YTHDC2: variants seen among roughly 807,000 people sequenced by gnomAD.
YTHDC2 encodes YTH N6-methyladenosine RNA binding protein C2, also known as 3'-5' RNA helicase YTHDC2.
In YTHDC2, 45 loss-of-function variants were observed where a neutral mutation model predicts 174.9. The ratio of observed to expected loss-of-function variants is 0.26; its 90% CI spans 0.20 to 0.33. The LOEUF (loss-of-function observed/expected upper bound fraction) is 0.33, where lower values mean the gene tolerates loss of function less well. Among genes scored for constraint, YTHDC2 ranks in the 10% least tolerant of loss-of-function variants. The probability of loss-of-function intolerance (pLI) is 1.00; values close to 1 mark genes in which losing one functional copy is unlikely to be tolerated. For synonymous variants in YTHDC2, 657 were observed against 574.5 expected (o/e 1.14, Z -2.05); for missense variants, 1,650 against 1,723.7 (o/e 0.96, Z 0.76).
At chr5:113,584,938 C>A (rs1046954622) in intron 26 of YTHDC2, among the ~76,000 whole-genome samples, 1 of 151,682 alleles carries the variant, frequency 6.6e-6, no homozygotes, top group African/African-American at 2.4e-5. Flanking sequence ...CCATGCCCAG[C>A]TGATTAAAGA....
rs140855716 is a variant in YTHDC2 at position 113,553,593 on chromosome 5, C to G, written c.1871C>G (p.Ala624Gly). ...TAAAAAGTCATTCTTCTCCAAGGTG[C>G]AGTACTAATTTTTCTGCCTGGATAT... ...YNICHSCDAG[A>G]VLIFLPGYDE... is the part of the protein sequence containing the mutation. Residue 624 changes from alanine (A) to glycine (G), a missense_variant, in exon 14 of 30, where the codon GCA becomes GGA. Transcript: ENST00000161863. 148 of 1,613,032 alleles carry G rather than the reference C, an allele frequency of 9.2e-5. No homozygotes were observed. The African/African-American group carries it at 1.5e-3, about 17-fold the overall frequency.
chr5:113,535,401 G>C (rs1383907547), intron 6 of YTHDC2, among the ~76,000 whole-genome samples: 1 of 152,110 alleles, frequency 6.6e-6, no homozygotes, highest in Non-Finnish European at 1.5e-5. Flanking sequence ...TGGCATGGGG[G>C]AAGGCCCTGG....
chr5:113,571,729 C>T (rs970972423), intron 23 of YTHDC2, among the ~76,000 whole-genome samples: 35 of 152,120 alleles, frequency 2.3e-4, no homozygotes, highest in African/African-American at 8.5e-4. Context: ...AGGAATCTAC[C>T]TCTTTCTTCT....
chr5:113,529,948 T>G (rs1021788696), intron 4 of YTHDC2, among the ~76,000 whole-genome samples: 1 of 152,018 alleles, frequency 6.6e-6, no homozygotes, highest in Non-Finnish European at 1.5e-5. Flanking sequence ...TATGTAGAGG[T>G]GGGGTATCAC....
chr5:113,529,046 T>A (rs1774477381), intron 4 of YTHDC2, among the ~76,000 whole-genome samples: 1 of 152,178 alleles, frequency 6.6e-6, no homozygotes, highest in Non-Finnish European at 1.5e-5. Context: ...CTTAACAGAT[T>A]TGGATATTTT....
intron 23 of YTHDC2, among the ~76,000 whole-genome samples, chr5:113,575,068 C>T (rs1341941224): frequency 6.6e-6 from 1 of 152,104 alleles, no homozygotes; most frequent in Non-Finnish European, 1.5e-5. Flanking sequence ...GTATGTATGC[C>T]TAGTATGTCC....
intron 23 of YTHDC2, among the ~76,000 whole-genome samples, chr5:113,574,555 G>T (rs1403707790): frequency 3.3e-5 from 5 of 152,132 alleles, no homozygotes; most frequent in Non-Finnish European, 7.4e-5. Context: ...GGCTGGAGTG[G>T]CTGAGTCAAC....
rs534273104 is a variant in YTHDC2, at chr5:113,557,916, G to A, written c.2216+1782G>A. The stretch of plus-strand genomic sequence containing the variant: ...AAAGTCTTCCCTGTGCACATGTTAC[G>A]GATAGTGATAAATAAACCATAGCCT... On this transcript the variant is annotated intron_variant, in intron 17 of 29. Coordinates refer to ENST00000161863, the MANE Select transcript of YTHDC2 (RefSeq NM_022828.5). 7.9e-5 allele frequency among the ~76,000 whole-genome samples: 12 copies of A among 152,278 alleles called. 1 individual carries two copies. In the South Asian group the frequency reaches 1.5e-3, roughly 18 times the overall value.
intron 10 of YTHDC2, among the ~76,000 whole-genome samples, chr5:113,545,630 C>T (rs567800567): frequency 3.3e-5 from 5 of 151,936 alleles, no homozygotes; most frequent in African/African-American, 1.2e-4. Context: ...TGGGCTCAAG[C>T]GACCTGCCCA....
intron 22 of YTHDC2, 102 bp downstream of exon 22, chr5:113,567,399 ATT>A (rs1554100072): frequency 7.9e-5 from 37 of 466,554 alleles, no homozygotes; most frequent in Non-Finnish European, 1.0e-4. Flanking sequence ...TAAGAAATTA[ATT>A]AGTTATATAT....
chr5:113,579,291 GTTAT>G (rs966786739), intron 23 of YTHDC2, among the ~76,000 whole-genome samples: 2 of 151,948 alleles, frequency 1.3e-5, no homozygotes, highest in African/African-American at 4.8e-5. Context: ...CTTGAATTAT[GTTAT>G]TTGTTTCTTT....
intron 2 of YTHDC2, among the ~76,000 whole-genome samples, chr5:113,519,538 G>T (rs764781558): frequency 1.1e-4 from 16 of 152,200 alleles, no homozygotes; most frequent in Non-Finnish European, 1.9e-4. Context: ...TATGAAAGTA[G>T]ATTTTCCAAG....
chr5:113,577,450 A>G (rs971301146), intron 23 of YTHDC2, among the ~76,000 whole-genome samples: 1 of 152,008 alleles, frequency 6.6e-6, no homozygotes, highest in Non-Finnish European at 1.5e-5. Context: ...GCCTACTGCA[A>G]TCTCTGTCTC....
In YTHDC2 at chr5:113,586,886, T is replaced by C. The variant is rs1217027588; in HGVS notation, c.3825+2407T>C. On this transcript the variant is annotated intron_variant, in intron 26 of 29. Transcript: ENST00000161863. Reference sequence around the variant, plus strand: ...CTCTCTCTCTCTCTATATATATATATAATATATAAATATATATTATGTATT... The same window carrying C: ...CTCTCTCTCTCTCTATATATATATACAATATATAAATATATATTATGTATT... Among the ~76,000 whole-genome samples the C allele has an allele frequency of 1.6e-4, 21 of 135,356 alleles. No individual in the cohort carries two copies. The South Asian group carries it at 2.6e-3, about 17-fold the overall frequency. The allele number at this position is 135,356 out of a possible 152,430, so 88.8% of individuals were successfully genotyped here.
chr5:113,561,319 G>A (rs1776948040), intron 18 of YTHDC2, 134 bp downstream of exon 18: 5 of 547,726 alleles, frequency 9.1e-6, no homozygotes, highest in African/African-American at 7.7e-5. Flanking sequence ...ATGGAGGGTG[G>A]CTATGTCTAT....
chr5:113,560,889 G>A (rs1776918481), intron 17 of YTHDC2, among the ~76,000 whole-genome samples, 191 bp from the exon 18 acceptor site: 1 of 152,150 alleles, frequency 6.6e-6, no homozygotes, highest in Non-Finnish European at 1.5e-5. Flanking sequence ...CTCACTGTCT[G>A]AAATAATTGA....
chr5:113,589,371 T>A (rs1376030047), intron 26 of YTHDC2, among the ~76,000 whole-genome samples: 1 of 136,546 alleles, frequency 7.3e-6, no homozygotes, highest in Non-Finnish European at 1.5e-5. Flanking sequence ...TTTTCATCTC[T>A]AGAAGTTCAA....
At chr5:113,589,450 C>T (rs1396268238) in intron 26 of YTHDC2, among the ~76,000 whole-genome samples, 1 of 138,600 alleles carries the variant, frequency 7.2e-6, no homozygotes, top group Non-Finnish European at 1.5e-5. Context: ...TATCTTCTGG[C>T]CCGGCGTGGT....
chr5:113,580,283 T>C (rs1778316937), intron 24 of YTHDC2, among the ~76,000 whole-genome samples: 1 of 152,168 alleles, frequency 6.6e-6, no homozygotes, highest in Non-Finnish European at 1.5e-5. Flanking sequence ...GCAGTAATCC[T>C]TGAGTATTTC....
Sources: allele counts gnomAD v4.1 joint callset (sites outside exome capture counted in the v4.1 genomes callset), GRCh38; gene constraint gnomAD v4.1.1; transcripts MANE v1.5; gene names NCBI Gene and HGNC (gene_info 2026-07-23, HGNC 2026-07-21).